Variants in LETMD1 observed in about 807,000 individuals in gnomAD.
LETMD1 encodes LETM1 domain-containing protein 1.
A neutral mutation model predicts 43.9 loss-of-function variants in LETMD1; 30 were observed. The ratio of observed to expected loss-of-function variants is 0.68; its 90% confidence interval spans 0.51 to 0.93. The LOEUF is 0.93. Among genes scored for constraint, LETMD1 ranks in the 40% least tolerant of loss-of-function variants. The pLI, the probability that LETMD1 is intolerant of heterozygous loss-of-function variation, is 0.00. For missense variants in LETMD1, 413 were observed against 447.7 expected, an observed-to-expected ratio of 0.92 and a Z score of 0.70; for synonymous variants, 176 against 163.1, an observed-to-expected ratio of 1.08 and a Z score of -0.60.
chr12:51,067,586 G>A, the LETMD1 span: 1 of 1,333,572 alleles, frequency 7.5e-7, no homozygotes, highest in South Asian at 1.3e-5. The surrounding 1 kb of genome is among the most constrained non-coding windows in gnomAD (Gnocchi z 4.1). Flanking sequence ...ATCCACCCCT[G>A]AATGGGCCTC....
At chr12:51,063,867 G>A, downstream of LETMD1, 1 of 1,614,114 alleles carries the variant, frequency 6.2e-7, no homozygotes, top group Middle Eastern at 1.6e-4. Flanking sequence ...GCTTGAGGGG[G>A]ACCAGGAAGG....
chr12:51,060,633 C>T (rs968371028), downstream of LETMD1, among the ~76,000 whole-genome samples: 4 of 152,088 alleles, frequency 2.6e-5, no homozygotes, highest in South Asian at 2.1e-4. Context: ...CCGGGCGCGG[C>T]GGCTCACGCC....
intron 2 of LETMD1, among the ~76,000 whole-genome samples, chr12:51,049,988 C>G (rs183643347): frequency 1.1e-4 from 17 of 152,242 alleles, no homozygotes; most frequent in African/African-American, 3.1e-4. Flanking sequence ...TGGCAAAAAC[C>G]ACAATTGCTT....
intron 7 of LETMD1, chr12:51,056,966 C>T (rs1947911976): frequency 6.3e-6 from 1 of 157,550 alleles, no homozygotes; most frequent in Non-Finnish European, 1.4e-5. Flanking sequence ...TTCAGTCTCA[C>T]TATTTTAACC....
At chr12:51,056,088 G>T in intron 5 of LETMD1, 56 bp from the exon 6 acceptor site, 1 of 1,607,720 alleles carries the variant, frequency 6.2e-7, no homozygotes, top group South Asian at 1.1e-5. Flanking sequence ...ACTAAACTAG[G>T]TAAGAGGAGT....
chr12:51,057,627 C>CTTTTT, intron 7 of LETMD1: 2 of 162,208 alleles, frequency 1.2e-5, no homozygotes, highest in Non-Finnish European at 2.6e-5. Context: ...GAGATTGTAA[C>CTTTTT]TTTTTTTTTT....
At chr12:51,064,758 G>A, downstream of LETMD1, 1 of 1,181,246 alleles carries the variant, frequency 8.5e-7, no homozygotes, top group Non-Finnish European at 1.2e-6. Context: ...CAGGCAGTTG[G>A]GATTTGAGGT....
the LETMD1 span, chr12:51,068,062 C>G: frequency 8.2e-7 from 1 of 1,221,538 alleles, no homozygotes; most frequent in Non-Finnish European, 1.2e-6. Context: ...CTTGAACCTT[C>G]TGCAATCATG....
downstream of LETMD1, chr12:51,063,684 G>A (rs1033316949): frequency 3.7e-5 from 48 of 1,287,386 alleles, no homozygotes; most frequent in Middle Eastern, 1.9e-4. Flanking sequence ...GTTTTGAAAT[G>A]GTGTTAGATA....
chr12:51,054,225 T>C (rs904393675), intron 4 of LETMD1, among the ~76,000 whole-genome samples: 1 of 152,228 alleles, frequency 6.6e-6, no homozygotes, highest in African/African-American at 2.4e-5. Context: ...TATTACTTCA[T>C]ATCCAAAAAT....
In LETMD1 at chr12:51,055,941, A is replaced by G; in HGVS notation, c.580A>G (p.Ile194Val). 3.1e-6 allele frequency: 5 copies of G among 1,614,094 alleles called. No homozygotes were observed. Among genetic ancestry groups the G allele is most frequent in the Non-Finnish European group, 4.2e-6 (5 of 1,179,976 alleles). Reference sequence around the variant, plus strand: ...TTTCCGGAAGCAGTCCCACCCAGAAATTATTAGTTATTTAGAAAAGGTCAT... The same window carrying G: ...TTTCCGGAAGCAGTCCCACCCAGAAGTTATTAGTTATTTAGAAAAGGTCAT... ...HAFRKQSHPEIISYLEKVIPL... is the reference protein window; with the variant it reads ...HAFRKQSHPEVISYLEKVIPL... Residue 194 changes from isoleucine to valine, a missense_variant, in exon 5 of 9, where the codon ATT becomes GTT. Physicochemically the swap from Ile to Val is conservative, Grantham distance 29. Coordinates refer to ENST00000262055, the MANE Select transcript of LETMD1 (RefSeq NM_015416.5).
the LETMD1 span, among the ~76,000 whole-genome samples, chr12:51,068,132 A>G: frequency 6.6e-6 from 1 of 152,212 alleles, no homozygotes; most frequent in African/African-American, 2.4e-5. Context: ...ACTGAGCACT[A>G]GAAATGCAGC....
chr12:51,049,426 GTTCTCGT>G, intron 2 of LETMD1: 1 of 417,546 alleles, frequency 2.4e-6, no homozygotes. Context: ...ATATAGGTAT[GTTCTCGT>G]ACTTTCTTAA....
downstream of LETMD1, among the ~76,000 whole-genome samples, chr12:51,065,335 G>A (rs12321533): frequency 0.046 from 6,959 of 152,218 alleles, 335 homozygotes; most frequent in African/African-American, 0.13. Flanking sequence ...ATCTGGAAAG[G>A]AGATGCTTTC....
chr12:51,055,025 A>C (rs753435500), intron 4 of LETMD1, among the ~76,000 whole-genome samples: 1 of 152,074 alleles, frequency 6.6e-6, no homozygotes, highest in Non-Finnish European at 1.5e-5. Context: ...GCATGAACCC[A>C]GGAGGCAGAG....
At position 51,058,109 on chromosome 12, in the gene LETMD1, G is replaced by A; in HGVS notation, c.993G>A (p.Gln331=). The A allele has an allele frequency of 6.2e-7, 1 of 1,609,722 alleles. No homozygotes were observed. The highest frequency in any genetic ancestry group is 1.7e-5 in the Admixed American group (1 of 60,024). Residue 331 remains glutamine (Q), a synonymous_variant, in exon 8 of 9, where the codon CAG becomes CAA. Transcript: ENST00000262055. ...GAACTTGGCTGGGAGAATGGCTGCA[G>A]ATTTCCTGCAGCCTGAAAGGTAAAA... ...RCRTWLGEWL[Q]ISCSLKEAEL...
chr12:51,049,151 C>T lies in LETMD1; in HGVS notation c.240C>T (p.Pro80=), dbSNP rs746351613. The T allele has an allele frequency of 4.3e-6, 7 of 1,614,012 alleles. No homozygotes were observed. Among genetic ancestry groups the T allele is most frequent in the Admixed American group, 1.7e-5 (1 of 60,008 alleles). ...ATCGTTTCTTGGGTCGTCATTTCCC[C>T]CGCTTCTATGTCCTGTACACAATCT... The part of the protein sequence containing the change: ...KYHRFLGRHF[P]RFYVLYTIFM... The change falls in exon 2 of 9, where the codon CCC becomes CCT. Residue 80 remains proline (P), a synonymous_variant. Transcript: ENST00000262055.
chr12:51,048,825 C>A, intron 1 of LETMD1: 1 of 603,640 alleles, frequency 1.7e-6, no homozygotes. Flanking sequence ...AGAGGCATAC[C>A]CTGAGTTACT....
At chr12:51,066,597 CGCCACTGCACTCCA>C in the LETMD1 span, among the ~76,000 whole-genome samples, 1 of 151,076 alleles carries the variant, frequency 6.6e-6, no homozygotes, top group Non-Finnish European at 1.5e-5. Flanking sequence ...GCCAAGATCG[CGCCACTGCACTCCA>C]GCCTGGGCGA....
Sources: gnomAD v4.1 joint callset for allele counts (sites outside exome capture counted in the v4.1 genomes callset) on GRCh38, gnomAD v4.1.1 for gene constraint, Gnocchi (gnomAD v3.1) non-coding constraint, MANE v1.5 for transcripts, NCBI Gene and HGNC (gene_info 2026-07-23, HGNC 2026-07-21) for gene names.